Variants in COP1 observed in about 807,000 individuals in gnomAD.
COP1 encodes the protein COP1 E3 ubiquitin ligase.
A neutral mutation model predicts 101.3 loss-of-function variants in COP1; 24 were observed. That is an observed-to-expected ratio of 0.24 (90% CI 0.17 to 0.33). The LOEUF (loss-of-function observed/expected upper bound fraction) is 0.33. Among genes scored for constraint, COP1 ranks in the 10% least tolerant of loss-of-function variants. COP1 has a pLI of 1.00. For synonymous variants in COP1, 347 were observed against 341.9 expected (o/e 1.01, Z -0.17); for missense variants, 663 against 906.2 (o/e 0.73, Z 3.45).
At chr1:176,146,116 T>C (rs557418868) in intron 6 of COP1, among the ~76,000 whole-genome samples, 14 of 152,218 alleles carry the variant, frequency 9.2e-5, no homozygotes, top group African/African-American at 2.6e-4. Flanking sequence ...ACAGTAAATT[T>C]AATAGGTATC....
At chr1:176,029,428 T>C (rs1322616562) in intron 14 of COP1, among the ~76,000 whole-genome samples, 4 of 152,214 alleles carry the variant, frequency 2.6e-5, no homozygotes, top group Non-Finnish European at 5.9e-5. Flanking sequence ...GCAACTATCA[T>C]ATCATTTTTC....
At chr1:176,061,109 G>A (rs893907217) in intron 11 of COP1, among the ~76,000 whole-genome samples, 1 of 152,172 alleles carries the variant, frequency 6.6e-6, no homozygotes, top group Non-Finnish European at 1.5e-5. Context: ...CCTAAGAGGA[G>A]ACATACAGAT....
intron 15 of COP1, among the ~76,000 whole-genome samples, chr1:176,002,196 C>T (rs954738975): frequency 6.6e-6 from 1 of 152,012 alleles, no homozygotes; most frequent in South Asian, 2.1e-4. Flanking sequence ...CTCTCCTCAT[C>T]TTTTGGAAAT....
At chr1:176,042,045 G>A (rs565309947) in intron 14 of COP1, among the ~76,000 whole-genome samples, 7 of 152,272 alleles carry the variant, frequency 4.6e-5, no homozygotes, top group African/African-American at 1.7e-4. Context: ...CTGGGAGGCA[G>A]AGGTTGCAGT....
chr1:176,012,740 T>A (rs1255171250), intron 15 of COP1, among the ~76,000 whole-genome samples: 3 of 152,162 alleles, frequency 2.0e-5, no homozygotes, highest in Non-Finnish European at 4.4e-5. Flanking sequence ...ATACTTACCA[T>A]TGTGCTATAA....
At chr1:175,955,586 A>G (rs1292051361) in intron 18 of COP1, among the ~76,000 whole-genome samples, 1 of 152,160 alleles carries the variant, frequency 6.6e-6, no homozygotes, top group Non-Finnish European at 1.5e-5. Context: ...GGAAAATCCT[A>G]ATGTACCTTA....
intron 19 of COP1, 113 bp downstream of exon 19, chr1:175,947,082 G>A (rs1649271644): frequency 1.3e-6 from 1 of 755,618 alleles, no homozygotes; most frequent in Non-Finnish European, 2.3e-6. Flanking sequence ...AGGAGACACA[G>A]ACCCATGATT....
At chr1:176,075,113 G>C (rs1299674218) in intron 11 of COP1, among the ~76,000 whole-genome samples, 1 of 152,126 alleles carries the variant, frequency 6.6e-6, no homozygotes, top group African/African-American at 2.4e-5. Context: ...TATATGCCTA[G>C]TCTGGCCTAG....
intron 18 of COP1, among the ~76,000 whole-genome samples, chr1:175,975,138 G>T (rs1654211323): frequency 6.6e-6 from 1 of 151,998 alleles, no homozygotes; most frequent in Non-Finnish European, 1.5e-5. Context: ...AGTAACTCTG[G>T]TTGATGCAAA....
chr1:176,129,276 A>C (rs1194189954), intron 8 of COP1, among the ~76,000 whole-genome samples: 1 of 151,882 alleles, frequency 6.6e-6, no homozygotes, highest in African/African-American at 2.4e-5. Flanking sequence ...AAATTACAGA[A>C]ATACAAATAA....
intron 9 of COP1, among the ~76,000 whole-genome samples, chr1:176,086,331 T>A (rs1680162174): frequency 6.6e-6 from 1 of 150,768 alleles, no homozygotes; most frequent in African/African-American, 2.4e-5. Context: ...TTTCTCGACA[T>A]TCTCCTGCCT....
intron 3 of COP1, among the ~76,000 whole-genome samples, chr1:176,173,909 C>T (rs780184160): frequency 2.7e-4 from 36 of 132,358 alleles, no homozygotes; most frequent in Non-Finnish European, 7.8e-5. Flanking sequence ...AATCCTTGAA[C>T]CTGGGAGGCG....
chr1:176,112,998 C>T (rs899000209), intron 9 of COP1, among the ~76,000 whole-genome samples: 1 of 152,158 alleles, frequency 6.6e-6, no homozygotes, highest in Non-Finnish European at 1.5e-5. Context: ...CAAATATTGG[C>T]TATTGTGAAT....
chr1:176,122,317 C>T (rs1476578422), intron 8 of COP1, among the ~76,000 whole-genome samples: 2 of 152,050 alleles, frequency 1.3e-5, no homozygotes, highest in African/African-American at 2.4e-5. Flanking sequence ...GGGAAAGTCC[C>T]TCTTATTCTT....
intron 1 of COP1, among the ~76,000 whole-genome samples, chr1:176,194,777 C>T (rs902165638): frequency 6.6e-6 from 1 of 152,060 alleles, no homozygotes; most frequent in East Asian, 1.9e-4. Context: ...CATGTAAACA[C>T]TTATGAAAAG....
At chr1:176,053,320 T>G (rs554940621) in intron 11 of COP1, among the ~76,000 whole-genome samples, 1 of 152,256 alleles carries the variant, frequency 6.6e-6, no homozygotes, top group African/African-American at 2.4e-5. Context: ...TCTTCGTCAT[T>G]TTTCTCTCTT....
chr1:176,124,641 G>T (rs1226072689), intron 8 of COP1, among the ~76,000 whole-genome samples: 1 of 152,072 alleles, frequency 6.6e-6, no homozygotes, highest in Non-Finnish European at 1.5e-5. Context: ...TTGAGTATGT[G>T]TACCACATTT....
intron 9 of COP1, among the ~76,000 whole-genome samples, chr1:176,108,626 T>C (rs954199200): frequency 1.3e-5 from 2 of 152,094 alleles, no homozygotes; most frequent in African/African-American, 4.8e-5. Context: ...AGTAATTCCA[T>C]TTTGGAACAT....
intron 2 of COP1, among the ~76,000 whole-genome samples, chr1:176,176,460 C>A (rs961257339): frequency 1.2e-4 from 19 of 152,160 alleles, no homozygotes; most frequent in Admixed American, 7.9e-4. Flanking sequence ...AAACCATCAT[C>A]TTCACGAGTC....
Sources: gnomAD v4.1 joint callset for allele counts (sites outside exome capture counted in the v4.1 genomes callset) on GRCh38, gnomAD v4.1.1 for gene constraint, MANE v1.5 for transcripts, NCBI Gene and HGNC (gene_info 2026-07-23, HGNC 2026-07-21) for gene names.